The following CENPK variants were observed in gnomAD, a reference collection of about 807,000 sequenced individuals.
CENPK encodes the protein centromere protein K.
In CENPK, 46 loss-of-function variants were observed where a neutral mutation model predicts 40.9. That is an observed-to-expected ratio of 1.13 (90% CI 0.89 to 1.44). CENPK has a LOEUF of 1.44. Among genes scored for constraint, CENPK ranks in the 40% most tolerant of loss-of-function variants. The pLI is 0.00. For synonymous variants in CENPK, 107 were observed against 104.4 expected (o/e 1.02, Z -0.15); for missense variants, 288 against 303.5 (o/e 0.95, Z 0.38).
the CENPK span, among the ~76,000 whole-genome samples, chr5:65,498,539 T>G: frequency 6.6e-6 from 1 of 152,068 alleles, no homozygotes; most frequent in Non-Finnish European, 1.5e-5. Context: ...ACACATAACT[T>G]AGAAAATTCA....
intron 6 of CENPK, among the ~76,000 whole-genome samples, chr5:65,534,894 T>C (rs1746597531): frequency 1.3e-5 from 2 of 152,226 alleles, no homozygotes; most frequent in Non-Finnish European, 2.9e-5. Flanking sequence ...AATCAAATTA[T>C]GAACTTAAGT....
chr5:65,525,177 G>C (rs1744461534), intron 9 of CENPK, among the ~76,000 whole-genome samples: 1 of 151,990 alleles, frequency 6.6e-6, no homozygotes, highest in Admixed American at 6.6e-5. Context: ...TGGCCAATAT[G>C]GTAAAATTCC....
the CENPK span, among the ~76,000 whole-genome samples, chr5:65,504,434 G>T: frequency 2.4e-5 from 3 of 125,642 alleles, no homozygotes; most frequent in African/African-American, 9.0e-5. Context: ...TCCAGCCTGG[G>T]AGACAAGAGC....
intron 5 of CENPK, among the ~76,000 whole-genome samples, chr5:65,545,943 A>G (rs1015089797): frequency 6.6e-6 from 1 of 152,228 alleles, no homozygotes; most frequent in Non-Finnish European, 1.5e-5. Flanking sequence ...CACTCCAAAA[A>G]AGCCTAAAAC....
intron 2 of CENPK, among the ~76,000 whole-genome samples, chr5:65,560,125 A>C (rs1217628146): frequency 6.6e-6 from 1 of 152,126 alleles, no homozygotes; most frequent in Non-Finnish European, 1.5e-5. Flanking sequence ...AGCAAAACTA[A>C]GTAAAATCTT....
At chr5:65,555,546 T>C (rs1483433374) in intron 2 of CENPK, among the ~76,000 whole-genome samples, 4 of 152,208 alleles carry the variant, frequency 2.6e-5, no homozygotes, top group Non-Finnish European at 5.9e-5. Context: ...TGAATTACAT[T>C]TTAACAATAC....
rs777895549 is a variant in CENPK, at chr5:65,554,895, C to T, written c.13G>A (p.Asp5Asn). 18 of 1,577,590 alleles carry T rather than the reference C, an allele frequency of 1.1e-5. No individual in the cohort carries two copies. The East Asian group carries it at 3.6e-4, about 31-fold the overall frequency. Residue 5 changes from aspartate (D) to asparagine (N), a missense_variant, in exon 3 of 11, where the codon GAT becomes AAT. Physicochemically the swap from Asp to Asn is conservative, Grantham distance 23. Transcript: ENST00000396679. MNQE[D>N]LDPDSTTDVG... ...TCTGTAGTACTATCCGGATCTAGAT[C>T]CTCCTGATTCATTGATATATGCTTT...
At chr5:65,528,707 T>C (rs1250761246) in intron 8 of CENPK, 129 bp from the exon 9 acceptor site, 1 of 1,203,852 alleles carries the variant, frequency 8.3e-7, no homozygotes, top group Non-Finnish European at 1.1e-6. Flanking sequence ...TAACTACCTT[T>C]TTGAAAATCA....
chr5:65,495,795 A>G, the CENPK span, among the ~76,000 whole-genome samples: 1 of 152,216 alleles, frequency 6.6e-6, no homozygotes, highest in African/African-American at 2.4e-5. Flanking sequence ...CATCTCACTT[A>G]TAATCCAATA....
rs760138230 is a variant in CENPK at position 65,554,938 on chromosome 5, T to C, written c.-31A>G. The C allele has an allele frequency of 1.4e-5, 18 of 1,289,688 alleles. No homozygotes were observed. The highest frequency in any genetic ancestry group is 2.9e-5 in the African/African-American group (2 of 68,010). 79.9% of individuals were successfully genotyped at this position (1,289,688 alleles called of 1,614,324 possible). On this transcript the variant is annotated 5_prime_UTR_variant, in exon 3 of 11. Transcript: ENST00000396679. ...TATGCTTTGTGAATTTTTAGCCTTA[T>C]AAGAAAAACTAAAGCAAAAAATATT... is the stretch of plus-strand genomic sequence containing the variant.
the CENPK span, among the ~76,000 whole-genome samples, chr5:65,512,492 T>C: frequency 1.8e-4 from 27 of 152,308 alleles, no homozygotes; most frequent in African/African-American, 6.5e-4. Flanking sequence ...TCAGCAGCCA[T>C]TAACACTGAC....
At chr5:65,531,385 A>G (rs1215129751) in intron 6 of CENPK, among the ~76,000 whole-genome samples, 1 of 150,794 alleles carries the variant, frequency 6.6e-6, no homozygotes. Flanking sequence ...AGAAATAAAA[A>G]CATTAACATC....
chr5:65,497,861 C>T, the CENPK span, among the ~76,000 whole-genome samples: 82 of 151,986 alleles, frequency 5.4e-4, no homozygotes, highest in Non-Finnish European at 1.0e-3. Flanking sequence ...CTGAGCAAGA[C>T]CCTATTTCAA....
chr5:65,537,640 T>C (rs1342901926), intron 6 of CENPK, among the ~76,000 whole-genome samples: 1 of 152,238 alleles, frequency 6.6e-6, no homozygotes, highest in Non-Finnish European at 1.5e-5. Flanking sequence ...CAGTCTGTGA[T>C]GCTCTGCAAT....
chr5:65,518,638 G>A lies in CENPK; in HGVS notation c.652-5C>T. On this transcript the variant is annotated splice_region_variant and splice_polypyrimidine_tract_variant and intron_variant, in intron 10 of 10. Coordinates refer to ENST00000396679, the MANE Select transcript of CENPK (RefSeq NM_022145.5). ...AAATAATCTATTTATAAGAATCTAG[G>A]AGAAAATATCATTCAAAATATACTT... is the stretch of plus-strand genomic sequence containing the variant. 1.3e-6 allele frequency: 2 copies of A among 1,538,240 alleles called. No individual in the cohort carries two copies. Among genetic ancestry groups the A allele is most frequent in the Non-Finnish European group, 1.8e-6 (2 of 1,126,726 alleles).
Position 65,529,145 on chromosome 5 carries a change from T to C in CENPK, c.343A>G (p.Asn115Asp). ...EMVLSTKESK[N>D]EKLKEDLERE... is the part of the protein sequence containing the mutation. ...TCTAAGTCTTCCTTTAACTTTTCATTCTTTGACTCCTTAGTGGACAGTACC... is the reference window on the plus strand; with the variant it reads ...TCTAAGTCTTCCTTTAACTTTTCATCCTTTGACTCCTTAGTGGACAGTACC... The change falls in exon 7 of 11, where the codon AAT becomes GAT. Residue 115 changes from asparagine (N) to aspartate (D), a missense_variant. Coordinates refer to ENST00000396679, the MANE Select transcript of CENPK (RefSeq NM_022145.5). 1.9e-6 allele frequency: 3 copies of C among 1,611,006 alleles called. No individual in the cohort carries two copies. Among genetic ancestry groups the C allele is most frequent in the Non-Finnish European group, 2.5e-6 (3 of 1,177,870 alleles).
chr5:65,514,410 G>C (rs1205260187), downstream of CENPK, among the ~76,000 whole-genome samples: 2 of 151,590 alleles, frequency 1.3e-5, no homozygotes, highest in African/African-American at 4.9e-5. Flanking sequence ...GATTACAGGC[G>C]CGTGCCACCA....
chr5:65,549,005 C>T (rs1368529466), intron 5 of CENPK, among the ~76,000 whole-genome samples: 4 of 152,112 alleles, frequency 2.6e-5, no homozygotes, highest in African/African-American at 9.7e-5. Flanking sequence ...TACTTTGGCC[C>T]AGACCATCAG....
chr5:65,557,800 G>A (rs529923739), intron 2 of CENPK, among the ~76,000 whole-genome samples: 1 of 152,268 alleles, frequency 6.6e-6, no homozygotes, highest in African/African-American at 2.4e-5. Context: ...TTTTCTTGGA[G>A]TAAACATACA....
Sources: allele counts gnomAD v4.1 joint callset (sites outside exome capture counted in the v4.1 genomes callset), GRCh38; gene constraint gnomAD v4.1.1; transcripts MANE v1.5; gene names NCBI Gene and HGNC (gene_info 2026-07-23, HGNC 2026-07-21).